Variants in PGCKA1 observed in about 807,000 individuals in gnomAD.
PGCKA1 encodes the protein PDCD10 and GCKIII kinases-associated protein 1.
the PGCKA1 span, among the ~76,000 whole-genome samples, chr4:37,467,446 T>C: frequency 6.6e-6 from 1 of 152,202 alleles, no homozygotes; most frequent in East Asian, 1.9e-4. Flanking sequence ...GCCCTTCTTC[T>C]ATCATAGAAT....
the PGCKA1 span, among the ~76,000 whole-genome samples, chr4:37,587,512 T>A: frequency 1.3e-5 from 2 of 152,200 alleles, no homozygotes; most frequent in African/African-American, 4.8e-5. Flanking sequence ...GACAAAAGCT[T>A]ATGAAGCAGC....
chr4:37,464,513 C>A, the PGCKA1 span, among the ~76,000 whole-genome samples: 12 of 152,266 alleles, frequency 7.9e-5, no homozygotes, highest in African/African-American at 2.9e-4. Context: ...TGAGTCTCAG[C>A]CTCTATGGCC....
chr4:37,514,801 G>C, the PGCKA1 span, among the ~76,000 whole-genome samples: 2 of 152,188 alleles, frequency 1.3e-5, no homozygotes, highest in Non-Finnish European at 2.9e-5. Flanking sequence ...CAGCTCAGCA[G>C]GGACTGGAGG....
chr4:37,511,595 C>T, the PGCKA1 span, among the ~76,000 whole-genome samples: 1 of 151,904 alleles, frequency 6.6e-6, no homozygotes, highest in Non-Finnish European at 1.5e-5. Flanking sequence ...GTTGTCCTTA[C>T]TCTTCCCTCT....
the PGCKA1 span, chr4:37,591,604 G>A: frequency 6.6e-6 from 1 of 152,276 alleles, no homozygotes; most frequent in East Asian, 1.9e-4. Flanking sequence ...GAAACAAAGG[G>A]TTAGTCATTA....
the PGCKA1 span, among the ~76,000 whole-genome samples, chr4:37,543,666 A>AG: frequency 5.3e-3 from 1 of 190 alleles, no homozygotes; most frequent in Non-Finnish European, 0.026. Context: ...ATCTCTACTG[A>AG]AAAAAAAAAT....
chr4:37,556,206 G>T, the PGCKA1 span, among the ~76,000 whole-genome samples: 4 of 151,824 alleles, frequency 2.6e-5, no homozygotes, highest in Non-Finnish European at 5.9e-5. Context: ...ACGCCCTCCC[G>T]ACACACCTGG....
chr4:37,505,064 T>C, the PGCKA1 span, among the ~76,000 whole-genome samples: 153 of 152,340 alleles, frequency 1.0e-3, no homozygotes, highest in African/African-American at 3.4e-3. Context: ...CTCTGTTGTA[T>C]ATGGATTTTA....
the PGCKA1 span, among the ~76,000 whole-genome samples, chr4:37,564,517 T>TGA: frequency 6.6e-6 from 1 of 151,448 alleles, no homozygotes; most frequent in Non-Finnish European, 1.5e-5. Context: ...ATTTATTTAT[T>TGA]TTTTTTGAGA....
the PGCKA1 span, among the ~76,000 whole-genome samples, chr4:37,513,582 G>A: frequency 6.6e-6 from 1 of 152,258 alleles, no homozygotes; most frequent in East Asian, 1.9e-4. Context: ...TCCATAAAAT[G>A]CCCATCTCCA....
chr4:37,515,490 C>T, the PGCKA1 span, among the ~76,000 whole-genome samples: 69,894 of 151,948 alleles, frequency 0.46, 16,301 homozygotes, highest in Non-Finnish European at 0.49. Flanking sequence ...ATGGGAGAAA[C>T]TATCTTGGGT....
chr4:37,572,597 T>G, the PGCKA1 span, among the ~76,000 whole-genome samples: 4 of 152,232 alleles, frequency 2.6e-5, no homozygotes, highest in Admixed American at 2.6e-4. Context: ...TTGATTATCC[T>G]CTATCCAAAA....
chr4:37,590,343 C>A, the PGCKA1 span: 1 of 1,613,500 alleles, frequency 6.2e-7, no homozygotes, highest in South Asian at 1.1e-5. Flanking sequence ...ACCATGCCTG[C>A]GGTGTCAACG....
the PGCKA1 span, among the ~76,000 whole-genome samples, chr4:37,562,071 A>G: frequency 0.038 from 5,781 of 152,292 alleles, 278 homozygotes; most frequent in East Asian, 0.14. Context: ...GGTCCATGAG[A>G]AGAAACCCAT....
the PGCKA1 span, among the ~76,000 whole-genome samples, chr4:37,524,729 G>T: frequency 6.6e-6 from 1 of 152,186 alleles, no homozygotes; most frequent in Non-Finnish European, 1.5e-5. Flanking sequence ...GTTTCTTATG[G>T]TGTACTGCTT....
the PGCKA1 span, among the ~76,000 whole-genome samples, chr4:37,499,115 A>G: frequency 0.21 from 31,463 of 152,220 alleles, 4,026 homozygotes; most frequent in Non-Finnish European, 0.29. Context: ...TGTTTATGTG[A>G]TGAATCACAT....
At chr4:37,494,547 C>G in the PGCKA1 span, among the ~76,000 whole-genome samples, 1 of 152,158 alleles carries the variant, frequency 6.6e-6, no homozygotes, top group Non-Finnish European at 1.5e-5. Context: ...TAGGTTGATT[C>G]CATGTCTTTG....
At chr4:37,549,842 G>A in the PGCKA1 span, among the ~76,000 whole-genome samples, 2 of 152,070 alleles carry the variant, frequency 1.3e-5, no homozygotes, top group Non-Finnish European at 2.9e-5. Flanking sequence ...CTCTGAAGAA[G>A]ACAGCAAGCC....
At chr4:37,580,305 A>ATT in the PGCKA1 span, among the ~76,000 whole-genome samples, 7,698 of 130,722 alleles carry the variant, frequency 0.059, 364 homozygotes, top group Non-Finnish European at 0.081. Context: ...CGGTGAGGTC[A>ATT]TTTTTTTTTT....
Sources: gnomAD v4.1 joint callset for allele counts (sites outside exome capture counted in the v4.1 genomes callset) on GRCh38, gnomAD v4.1.1 for gene constraint, MANE v1.5 for transcripts, NCBI Gene and HGNC (gene_info 2026-07-23, HGNC 2026-07-21) for gene names.